Variants in STARD13 observed in about 807,000 individuals in gnomAD.
STARD13 encodes the protein StAR related lipid transfer domain containing 13.
Under a neutral mutation model 106.4 loss-of-function variants are expected in STARD13, and 62 were observed. The ratio of observed to expected loss-of-function variants is 0.58; its 90% CI spans 0.48 to 0.72. The LOEUF is 0.72. Among genes scored for constraint, STARD13 ranks in the 30% least tolerant of loss-of-function variants. STARD13 has a pLI of 0.00. For synonymous variants in STARD13, 565 were observed against 553.0 expected (o/e 1.02, Z -0.31); for missense variants, 1,387 against 1,424.0 (o/e 0.97, Z 0.42).
At chr13:33,285,412 T>G in intron 1 of STARD13, 58 bp downstream of exon 1, 2 of 1,543,990 alleles carry the variant, frequency 1.3e-6, no homozygotes, top group Non-Finnish European at 1.8e-6. Context: ...TGGGTTAGCA[T>G]GAAATAGAGC....
At chr13:33,142,071 C>T (rs1449920377) in intron 4 of STARD13, among the ~76,000 whole-genome samples, 10 of 152,160 alleles carry the variant, frequency 6.6e-5, no homozygotes, top group Non-Finnish European at 2.9e-5. Flanking sequence ...CTGTGTCACC[C>T]AGGTTGAAGT....
the STARD13 span, among the ~76,000 whole-genome samples, chr13:33,455,152 A>C: frequency 6.6e-6 from 1 of 152,242 alleles, no homozygotes; most frequent in Non-Finnish European, 1.5e-5. Flanking sequence ...CCTAAACCAC[A>C]GACTGTGACA....
chr13:33,470,832 T>A, the STARD13 span, among the ~76,000 whole-genome samples: 5 of 152,238 alleles, frequency 3.3e-5, no homozygotes, highest in Admixed American at 6.5e-5. Flanking sequence ...TAGCCCTTTG[T>A]CGGATGGATA....
intron 4 of STARD13, among the ~76,000 whole-genome samples, chr13:33,131,245 T>C (rs1878245136): frequency 6.6e-6 from 1 of 152,166 alleles, no homozygotes; most frequent in African/African-American, 2.4e-5. Flanking sequence ...ACCAAGCACA[T>C]CACCAAGACC....
At chr13:33,663,070 T>G in the STARD13 span, among the ~76,000 whole-genome samples, 1 of 152,204 alleles carries the variant, frequency 6.6e-6, no homozygotes. Context: ...TTTTCTAATA[T>G]CAAACAATAT....
chr13:33,184,560 A>G (rs1490994945), intron 1 of STARD13, among the ~76,000 whole-genome samples: 3 of 152,190 alleles, frequency 2.0e-5, no homozygotes, highest in Non-Finnish European at 4.4e-5. Flanking sequence ...GGTTTACTCT[A>G]TGGGTCCCTG....
chr13:33,617,211 C>T, the STARD13 span, among the ~76,000 whole-genome samples: 3 of 152,186 alleles, frequency 2.0e-5, no homozygotes, highest in African/African-American at 7.2e-5. Context: ...CATGGGCTGA[C>T]TCAATAACAC....
intron 1 of STARD13, among the ~76,000 whole-genome samples, chr13:33,312,620 A>AAT (rs1893183501): frequency 6.6e-6 from 1 of 152,192 alleles, no homozygotes; most frequent in Non-Finnish European, 1.5e-5. Context: ...AATACTTTCT[A>AAT]ATATATATTA....
At chr13:33,532,229 T>C in the STARD13 span, among the ~76,000 whole-genome samples, 48 of 152,308 alleles carry the variant, frequency 3.2e-4, no homozygotes, top group African/African-American at 1.1e-3. Flanking sequence ...CATACTTTTT[T>C]CCCTTGAGAA....
the STARD13 span, among the ~76,000 whole-genome samples, chr13:33,602,493 C>T: frequency 6.6e-6 from 1 of 152,154 alleles, no homozygotes. Context: ...TAGATATGAT[C>T]TGATTTTGCT....
At chr13:33,344,622 T>C (rs2077999415), downstream of STARD13, among the ~76,000 whole-genome samples, 1 of 152,244 alleles carries the variant, frequency 6.6e-6, no homozygotes, top group South Asian at 2.1e-4. Context: ...TGAACCTGTT[T>C]TAACATGACA....
Position 33,221,969 on chromosome 13 carries a change from T to C in STARD13, c.170-54347A>G, listed in dbSNP as rs573518557. Among the ~76,000 whole-genome samples the C allele has an allele frequency of 1.6e-4, 25 of 152,072 alleles. No homozygotes were observed. The South Asian group carries it at 5.2e-3, about 32-fold the overall frequency. ...ATCGAGACCATCCTGGCCAACATGG[T>C]GAAACCCTGTCTCAACTAAAAATAT... is the stretch of plus-strand genomic sequence containing the variant. On this transcript the variant is annotated intron_variant, in intron 1 of 13. Coordinates refer to ENST00000336934, the MANE Select transcript of STARD13 (RefSeq NM_178006.4).
the STARD13 span, among the ~76,000 whole-genome samples, chr13:33,496,568 A>T: frequency 6.6e-6 from 1 of 152,046 alleles, no homozygotes; most frequent in Non-Finnish European, 1.5e-5. Context: ...TTTAGGTCAG[A>T]CATTTGTGTA....
chr13:33,663,957 C>G, the STARD13 span, among the ~76,000 whole-genome samples: 1 of 152,240 alleles, frequency 6.6e-6, no homozygotes, highest in Non-Finnish European at 1.5e-5. Flanking sequence ...CCTCATCACT[C>G]TGAAGAGAGA....
the STARD13 span, among the ~76,000 whole-genome samples, chr13:33,474,544 C>T: frequency 6.6e-6 from 1 of 152,146 alleles, no homozygotes; most frequent in African/African-American, 2.4e-5. Flanking sequence ...GTACATTAAA[C>T]AAATAAGTCC....
the STARD13 span, among the ~76,000 whole-genome samples, chr13:33,618,173 C>T: frequency 6.6e-6 from 1 of 152,194 alleles, no homozygotes; most frequent in Non-Finnish European, 1.5e-5. Context: ...ATTAACTCTC[C>T]ATTAATGGAT....
intron 1 of STARD13, among the ~76,000 whole-genome samples, chr13:33,299,664 A>G (rs1892636876): frequency 6.6e-6 from 1 of 152,140 alleles, no homozygotes; most frequent in African/African-American, 2.4e-5. Flanking sequence ...CCGTACAGAG[A>G]CACTCCATCT....
chr13:33,320,201 C>T (rs530704311), intron 1 of STARD13, among the ~76,000 whole-genome samples: 1 of 152,334 alleles, frequency 6.6e-6, no homozygotes, highest in African/African-American at 2.4e-5. Context: ...ATTTCTCCTG[C>T]TCCTTACAGA....
chr13:33,121,829 A>G (rs1352946730), intron 7 of STARD13, among the ~76,000 whole-genome samples: 1 of 147,246 alleles, frequency 6.8e-6, no homozygotes, highest in Non-Finnish European at 1.5e-5. Context: ...ACAGGTGTGC[A>G]CCACCACGCC....
Sources: allele counts gnomAD v4.1 joint callset (sites outside exome capture counted in the v4.1 genomes callset), GRCh38; gene constraint gnomAD v4.1.1; transcripts MANE v1.5; gene names NCBI Gene and HGNC (gene_info 2026-07-23, HGNC 2026-07-21).